The following VEGFB variants were observed in gnomAD, a reference collection of about 807,000 sequenced individuals.
VEGFB encodes the protein VEGF-related factor.
VEGFB carries 24 observed loss-of-function variants against 22.5 expected under a neutral mutation model. That is an observed-to-expected ratio of 1.07 (90% CI 0.77 to 1.50). The LOEUF is 1.50. Ranked by LOEUF, VEGFB falls within the 40% of genes most tolerant of loss-of-function variation. The pLI is 0.00. For synonymous variants in VEGFB, 141 were observed against 117.4 expected (o/e 1.20, Z -1.30); for missense variants, 327 against 287.8 (o/e 1.14, Z -0.99).
chr11:64,238,038 C>G, intron 6 of VEGFB: 1 of 518,068 alleles, frequency 1.9e-6, no homozygotes, highest in Non-Finnish European at 3.4e-6. Flanking sequence ...TCTGCCCTTA[C>G]CTACGGGCTT....
At chr11:64,236,183 T>C in intron 3 of VEGFB, 71 bp from the exon 4 acceptor site, 1 of 1,578,402 alleles carries the variant, frequency 6.3e-7, no homozygotes, top group Admixed American at 1.7e-5. Flanking sequence ...TGAGCTTTTC[T>C]CCCTTCAGTC....
rs1591082940 is a variant in VEGFB at position 64,238,668 on chromosome 11, T to C, written c.*335T>C. On this transcript the variant is annotated 3_prime_UTR_variant, in exon 7 of 7. Coordinates refer to ENST00000309422, the MANE Select transcript of VEGFB (RefSeq NM_003377.5). Reference sequence around the variant, plus strand: ...TCAGTTTCTAACCACTCTGTGCAAGTAAGCATCTTACAACTGGCTCTTCCT... The same window carrying C: ...TCAGTTTCTAACCACTCTGTGCAAGCAAGCATCTTACAACTGGCTCTTCCT... 2 of 509,788 alleles carry C rather than the reference T, an allele frequency of 3.9e-6. No homozygotes were observed. The highest frequency in any genetic ancestry group is 6.7e-5 in the East Asian group (2 of 29,646). 31.6% of individuals were successfully genotyped at this position (509,788 alleles called of 1,614,324 possible).
Position 64,237,668 on chromosome 11 carries a change from T to TG in VEGFB, c.*22+17dup, listed in dbSNP as rs767083193. On this transcript the variant is annotated intron_variant, in intron 6 of 6. Transcript: ENST00000309422. ...CAGACACCTGCAGGTGAGGCGTCTG[T>TG]GGGGTGGTGTTTGTTTGGGAAGGCA... 7 of 1,507,052 alleles carry TG rather than the reference T, an allele frequency of 4.6e-6. No individual in the cohort carries two copies. The highest frequency in any genetic ancestry group is 2.4e-5 in the South Asian group (2 of 83,562). 93.4% of individuals were successfully genotyped at this position (1,507,052 alleles called of 1,614,324 possible).
chr11:64,237,085 AAGAGAGAGAG>A (rs59541656), intron 4 of VEGFB, 92 bp from the exon 5 acceptor site: 40,234 of 596,882 alleles, frequency 0.067, 1,081 homozygotes, highest in South Asian at 0.16. Flanking sequence ...CACAGTCTCA[AAGAGAGAGAG>A]AGAGAGAGAG....
In VEGFB at chr11:64,237,316, C is replaced by G. The variant is rs572413366; in HGVS notation, c.410+94C>G. On this transcript the variant is annotated intron_variant, in intron 5 of 6. Coordinates refer to ENST00000309422, the MANE Select transcript of VEGFB (RefSeq NM_003377.5). ...TCTTTCTCCTCCCACCCGTCCCCCA[C>G]TTTCCCTTTTCCTCTGCTCCCCAAG... 7 of 1,516,074 alleles carry G rather than the reference C, an allele frequency of 4.6e-6. No homozygotes were observed. In the African/African-American group the frequency reaches 5.4e-5, roughly 12 times the overall value. The allele number at this position is 1,516,074 out of a possible 1,614,324, so 93.9% of individuals were successfully genotyped here.
At chr11:64,235,330 C>A in intron 1 of VEGFB, 128 bp from the exon 2 acceptor site, 2 of 918,780 alleles carry the variant, frequency 2.2e-6, no homozygotes, top group Non-Finnish European at 1.7e-6. Context: ...GCCGCAGGAA[C>A]AGAGCAATCT....
intron 6 of VEGFB, 39 bp downstream of exon 6, chr11:64,237,694 C>G (rs1475740314): frequency 1.7e-5 from 26 of 1,491,306 alleles, no homozygotes; most frequent in Non-Finnish European, 2.3e-5. Context: ...TGGGAAGGCA[C>G]CAAGGCCCTG....
At chr11:64,236,754 C>T (rs1424218917) in intron 4 of VEGFB, among the ~76,000 whole-genome samples, 1 of 136,762 alleles carries the variant, frequency 7.3e-6, no homozygotes, top group African/African-American at 2.6e-5. Flanking sequence ...AGAGTAGAGC[C>T]AAGGGTAGGC....
chr11:64,236,184 C>G, intron 3 of VEGFB, 70 bp from the exon 4 acceptor site: 1 of 1,580,346 alleles, frequency 6.3e-7, no homozygotes, highest in South Asian at 1.1e-5. Context: ...GAGCTTTTCT[C>G]CCTTCAGTCT....
intron 2 of VEGFB, 118 bp downstream of exon 2, chr11:64,235,618 C>T (rs1375452671): frequency 2.3e-6 from 3 of 1,297,616 alleles, no homozygotes; most frequent in Non-Finnish European, 1.1e-6. Context: ...TTATTCTACC[C>T]ATTTCACAGA....
Position 64,234,826 on chromosome 11 carries a change from C to T in VEGFB, c.-8C>T, listed in dbSNP as rs1432532674. 1.1e-4 allele frequency: 127 copies of T among 1,188,456 alleles called. No homozygotes were observed. Among genetic ancestry groups the T allele is most frequent in the African/African-American group, 4.8e-4 (30 of 62,026 alleles). 73.6% of individuals were successfully genotyped at this position (1,188,456 alleles called of 1,614,324 possible). ...GGGCGCCCCCGGCGGGCGGCCCCGG[C>T]GGGCACCATGAGCCCTCTGCTCCGC... On this transcript the variant is annotated 5_prime_UTR_variant, in exon 1 of 7. Transcript: ENST00000309422. This position sits in a 1 kb window ranked among gnomAD's most constrained non-coding sequence, Gnocchi z 5.3.
At chr11:64,237,260 G>T in intron 5 of VEGFB, 38 bp downstream of exon 5, 2 of 1,578,504 alleles carry the variant, frequency 1.3e-6, no homozygotes, top group South Asian at 1.1e-5. Context: ...GGGGTATGGG[G>T]AGTACAAGTG....
intron 2 of VEGFB, 21 bp from the exon 3 acceptor site, chr11:64,235,792 C>A (rs772922002): frequency 6.2e-7 from 1 of 1,613,012 alleles, no homozygotes; most frequent in Non-Finnish European, 8.5e-7. Flanking sequence ...GAGGACTTAA[C>A]CCCTACCGGT....
Position 64,236,011 on chromosome 11 carries a change from T to C in VEGFB, c.300+2T>C. ...GGGCAGCACCAAGTCCGGATGCAGGTACTGGGCAGGTGGGGCAACGGGCAG... is the reference window on the plus strand; with the variant it reads ...GGGCAGCACCAAGTCCGGATGCAGGCACTGGGCAGGTGGGGCAACGGGCAG... On this transcript the variant is annotated splice_donor_variant, in intron 3 of 6. Transcript: ENST00000309422. LOFTEE classifies it high-confidence loss of function. 1 of 1,582,390 alleles carries C rather than the reference T, an allele frequency of 6.3e-7. No homozygotes were observed. The highest frequency in any genetic ancestry group is 2.3e-5 in the East Asian group (1 of 43,094).
chr11:64,236,469 A>C, intron 4 of VEGFB, 142 bp downstream of exon 4: 1 of 744,256 alleles, frequency 1.3e-6, no homozygotes, highest in South Asian at 1.7e-5. Flanking sequence ...TAATCCCAGC[A>C]CTTTGGGAGG....
intron 6 of VEGFB, chr11:64,237,950 T>C: frequency 2.0e-6 from 1 of 492,158 alleles, no homozygotes; most frequent in East Asian, 3.2e-5. Context: ...GGAGGTGACA[T>C]CTGCCCGGAG....
intron 2 of VEGFB, 150 bp downstream of exon 2, chr11:64,235,650 G>T (rs954051746): frequency 5.7e-5 from 71 of 1,250,574 alleles, no homozygotes; most frequent in Admixed American, 3.8e-4. Context: ...AGGCAGTGGG[G>T]TTACTGGGAT....
rs376961320 is a variant in VEGFB, at chr11:64,236,005, T to A, written c.296T>A (p.Met99Lys). The change falls in exon 3 of 7, where the codon ATG (methionine) becomes AAG (lysine). Residue 99 changes from methionine (M) to lysine (K), a missense_variant. Transcript: ENST00000309422. ...CVPTGQHQVR[M>K]QILMIRYPSS... ...CCCACTGGGCAGCACCAAGTCCGGA[T>A]GCAGGTACTGGGCAGGTGGGGCAAC... The A allele has an allele frequency of 2.1e-5, 34 of 1,587,360 alleles. No individual in the cohort carries two copies. The African/African-American group carries it at 3.8e-4, about 18-fold the overall frequency.
chr11:64,235,046 G>A (rs1358677887), intron 1 of VEGFB, among the ~76,000 whole-genome samples, 153 bp downstream of exon 1: 1 of 151,894 alleles, frequency 6.6e-6, no homozygotes, highest in Non-Finnish European at 1.5e-5. Flanking sequence ...TGCATCCCCT[G>A]GGAGGTGCCC....
Sources: allele counts gnomAD v4.1 joint callset (sites outside exome capture counted in the v4.1 genomes callset), GRCh38; gene constraint gnomAD v4.1.1; non-coding constraint Gnocchi (gnomAD v3.1); transcripts MANE v1.5; gene names NCBI Gene and HGNC (gene_info 2026-07-23, HGNC 2026-07-21).